The following PCNT variants were observed in gnomAD, a reference collection of about 807,000 sequenced individuals.
PCNT encodes kendrin.
Under a neutral mutation model 380.4 loss-of-function variants are expected in PCNT, and 319 were observed. That is an observed-to-expected ratio of 0.84 (90% CI 0.77 to 0.92). PCNT has a LOEUF of 0.92. PCNT is among the 40% of genes least tolerant of loss of function. The probability of loss-of-function intolerance (pLI) is 0.00; values close to 1 mark genes in which losing one functional copy is unlikely to be tolerated. For synonymous variants in PCNT, 1,845 were observed against 1,735.2 expected (o/e 1.06, Z -1.57); for missense variants, 4,400 against 4,255.3 (o/e 1.03, Z -0.95).
intron 29 of PCNT, among the ~76,000 whole-genome samples, chr21:46,414,020 C>G (rs1202197761): frequency 6.9e-6 from 1 of 145,210 alleles, no homozygotes; most frequent in Admixed American, 7.0e-5. Context: ...GAGACAGAGT[C>G]TTGCTCTGTC....
At chr21:46,389,467 G>A (rs775766876) in intron 19 of PCNT, 36 bp downstream of exon 19, 19 of 1,532,846 alleles carry the variant, frequency 1.2e-5, no homozygotes, top group Non-Finnish European at 1.4e-5. Context: ...GTGGAGATGT[G>A]AACAACTGAG....
In PCNT at chr21:46,411,855, C is replaced by T. The variant is rs369146502; in HGVS notation, c.5782C>T (p.Arg1928Cys). Reference protein sequence around the residue: ...ELQWLRAQCARLSRQLQVLHQ... With the variant: ...ELQWLRAQCACLSRQLQVLHQ... ...GCAGTGGCTCCGAGCGCAGTGTGCC[C>T]GCCTCAGCCGCCAGCTGCAGGTGCT... The change falls in exon 28 of 47, where the codon CGC becomes TGC. Residue 1928 changes from arginine to cysteine, a missense_variant. Coordinates refer to ENST00000359568, the MANE Select transcript of PCNT (RefSeq NM_006031.6). 2.4e-5 allele frequency: 38 copies of T among 1,560,822 alleles called. No homozygotes were observed. Among genetic ancestry groups the T allele is most frequent in the South Asian group, 5.7e-5 (5 of 87,686 alleles).
chr21:46,326,672 T>TAAATCA, intron 2 of PCNT, 83 bp downstream of exon 2: 1 of 1,453,174 alleles, frequency 6.9e-7, no homozygotes, highest in Non-Finnish European at 9.6e-7. Flanking sequence ...TGGTCTTTGG[T>TAAATCA]CTGTTTTTGC....
At chr21:46,384,809 G>A (rs1324544024) in intron 16 of PCNT, among the ~76,000 whole-genome samples, 1 of 150,174 alleles carries the variant, frequency 6.7e-6, no homozygotes, top group East Asian at 2.0e-4. Context: ...ATGGTGTTGT[G>A]CGTTGAGCGG....
chr21:46,431,211 C>G (rs1285668202), intron 37 of PCNT: 9 of 1,244,580 alleles, frequency 7.2e-6, no homozygotes, highest in Non-Finnish European at 8.1e-6. Context: ...GGGCAGGAGC[C>G]TCTGGTGGAG....
chr21:46,403,847 T>C (rs1308602406), intron 27 of PCNT, among the ~76,000 whole-genome samples: 2 of 135,700 alleles, frequency 1.5e-5, no homozygotes, highest in Admixed American at 7.5e-5. Context: ...CGTGGGAGAA[T>C]CGTGTATGTG....
chr21:46,426,048 C>A, intron 33 of PCNT, 77 bp downstream of exon 33: 1 of 1,078,042 alleles, frequency 9.3e-7, no homozygotes, highest in Non-Finnish European at 1.4e-6. Context: ...CTTAGGGCCA[C>A]GTGGACACTA....
rs1195524244 is a variant in PCNT at position 46,435,895 on chromosome 21, T to C, written c.8752-9T>C. On this transcript the variant is annotated splice_polypyrimidine_tract_variant and intron_variant, in intron 38 of 46. Transcript: ENST00000359568. ...AACGTCTTCTCTGTCTTTTTTCTGTTAACAACAGCGAGAATTAGAACTGCA... is the reference window on the plus strand; with the variant it reads ...AACGTCTTCTCTGTCTTTTTTCTGTCAACAACAGCGAGAATTAGAACTGCA... 1 of 1,614,106 alleles carries C rather than the reference T, an allele frequency of 6.2e-7. No homozygotes were observed. The highest frequency in any genetic ancestry group is 1.1e-5 in the South Asian group (1 of 91,064).
At chr21:46,361,401 GAAAAA>G (rs571501854) in intron 13 of PCNT, among the ~76,000 whole-genome samples, 2 of 151,756 alleles carry the variant, frequency 1.3e-5, no homozygotes, top group Non-Finnish European at 2.9e-5. Context: ...AAAGAAAAGA[GAAAAA>G]AAAGAATACA....
rs768730890 is a variant in PCNT, at chr21:46,389,203, G to T, written c.3612G>T (p.Pro1204=). Residue 1204 remains proline (P), a synonymous_variant, in exon 19 of 47, where the codon CCG becomes CCT. Coordinates refer to ENST00000359568, the MANE Select transcript of PCNT (RefSeq NM_006031.6). ...AGAGLALSTA[P]ALEETWSDVA... is the part of the protein sequence containing the mutation. ...CGGCATCTGCTCATCTTGTAGCTCC[G>T]GCGCTGGAGGAGACATGGTCTGATG... 1.9e-6 allele frequency: 3 copies of T among 1,613,936 alleles called. No individual in the cohort carries two copies. The East Asian group carries it at 6.7e-5, about 36-fold the overall frequency.
chr21:46,405,887 A>G (rs576971544), intron 27 of PCNT, among the ~76,000 whole-genome samples: 14 of 152,300 alleles, frequency 9.2e-5, no homozygotes, highest in Admixed American at 2.6e-4. Context: ...ACAATCCCCA[A>G]TATTTTCTTG....
In PCNT at chr21:46,346,989, C is replaced by G; in HGVS notation, c.967C>G (p.Gln323Glu). The change falls in exon 5 of 47, where the codon CAG becomes GAG. Residue 323 changes from glutamine to glutamate, a missense_variant. Physicochemically the swap from Gln to Glu is conservative, Grantham distance 29. Coordinates refer to ENST00000359568, the MANE Select transcript of PCNT (RefSeq NM_006031.6). Reference protein sequence around the residue: ...EKEEVVLRCGQEAAELKEKLQ... With the variant: ...EKEEVVLRCGEEAAELKEKLQ... ...GGAGGAGGTGGTGCTCAGGTGTGGACAGGAAGCAGGTACTGCATGGCTAGG... is the reference window on the plus strand; with the variant it reads ...GGAGGAGGTGGTGCTCAGGTGTGGAGAGGAAGCAGGTACTGCATGGCTAGG... 4.4e-6 allele frequency: 7 copies of G among 1,595,298 alleles called. No individual in the cohort carries two copies. The highest frequency in any genetic ancestry group is 2.2e-4 in the Middle Eastern group (1 of 4,588).
intron 41 of PCNT, among the ~76,000 whole-genome samples, chr21:46,438,948 C>T (rs1323124030): frequency 6.6e-6 from 1 of 152,078 alleles, no homozygotes; most frequent in African/African-American, 2.4e-5. Context: ...GGATTACAGA[C>T]ATGAGCCACC....
chr21:46,413,873 G>T (rs148937672), intron 29 of PCNT, among the ~76,000 whole-genome samples: 33 of 152,278 alleles, frequency 2.2e-4, no homozygotes, highest in African/African-American at 7.9e-4. Context: ...GCGGGTGCTG[G>T]TGCTTCTCCC....
intron 16 of PCNT, among the ~76,000 whole-genome samples, chr21:46,384,328 G>A (rs2085736959): frequency 6.8e-6 from 1 of 147,932 alleles, no homozygotes; most frequent in African/African-American, 2.5e-5. Context: ...TCACGGTGTT[G>A]TGCATTCAGT....
chr21:46,438,361 A>G (rs749442210), intron 41 of PCNT, 24 bp downstream of exon 41: 8 of 1,609,138 alleles, frequency 5.0e-6, no homozygotes, highest in Non-Finnish European at 6.8e-6. Flanking sequence ...CTTAACTCTT[A>G]CCTGCCTCAG....
At position 46,444,647 on chromosome 21, in the gene PCNT, CTT is replaced by C. The variant is rs3058084; in HGVS notation, c.9840-31_9840-30del. ...ATGGCTCCGTCTGTCAAACTCAACT[CTT>C]TTTTTTTTTTTTTTTCTTCTCTTGG... On this transcript the variant is annotated intron_variant, in intron 45 of 46. Coordinates refer to ENST00000359568, the MANE Select transcript of PCNT (RefSeq NM_006031.6). The C allele has an allele frequency of 0.17, 240,838 of 1,391,496 alleles. 5,699 individuals are homozygous for C. The highest frequency in any genetic ancestry group is 0.42 in the African/African-American group (27,890 of 67,016). 86.2% of individuals were successfully genotyped at this position (1,391,496 alleles called of 1,614,324 possible).
chr21:46,418,356 G>GTGGTTTT (rs1569280956), intron 31 of PCNT, 50 bp downstream of exon 31: 1 of 1,074,522 alleles, frequency 9.3e-7, no homozygotes, highest in East Asian at 2.5e-5. Context: ...TGGTTTCCTA[G>GTGGTTTT]CACAGAATAG....
intron 15 of PCNT, among the ~76,000 whole-genome samples, chr21:46,372,953 G>A (rs554482326): frequency 6.6e-6 from 1 of 152,348 alleles, no homozygotes; most frequent in African/African-American, 2.4e-5. Flanking sequence ...GCACAAGGAG[G>A]TGTTCGTTTT....
Sources: allele counts gnomAD v4.1 joint callset (sites outside exome capture counted in the v4.1 genomes callset), GRCh38; gene constraint gnomAD v4.1.1; transcripts MANE v1.5; gene names NCBI Gene and HGNC (gene_info 2026-07-23, HGNC 2026-07-21).